The following OTOF variants were observed in gnomAD, a reference collection of about 807,000 sequenced individuals.
The protein encoded by OTOF is otoferlin, also known as fer-1-like family member 2.
A neutral mutation model predicts 236.8 loss-of-function variants in OTOF; 218 were observed. That is an observed-to-expected ratio of 0.92 (90% confidence interval 0.82 to 1.03). The LOEUF is 1.03. OTOF is among the 50% of genes least tolerant of loss of function. OTOF has a pLI of 0.00. For missense variants in OTOF, 2,590 were observed against 2,694.4 expected (o/e 0.96, Z 0.86); for synonymous variants, 1,041 against 1,072.5 (o/e 0.97, Z 0.57).
At chr2:26,510,189 C>T (rs571742359) in intron 5 of OTOF, among the ~76,000 whole-genome samples, 12 of 152,278 alleles carry the variant, frequency 7.9e-5, no homozygotes, top group Admixed American at 5.2e-4. Context: ...GAGAGGGCCG[C>T]CCAAATGGTG....
intron 13 of OTOF, 36 bp from the exon 14 acceptor site, chr2:26,482,628 T>TGTGTGTGTGAGTGGCTGC (rs1558490743): frequency 1.3e-6 from 2 of 1,581,622 alleles, no homozygotes; most frequent in African/African-American, 2.8e-5. Context: ...GGGCGTGGCA[T>TGTGTGTGTGAGTGGCTGC]GTGTGTGTGA....
chr2:26,482,118 A>T lies in OTOF; in HGVS notation c.1579+288T>A, dbSNP rs1031199897. 3.3e-5 allele frequency among the ~76,000 whole-genome samples: 5 copies of T among 152,166 alleles called. No individual in the cohort carries two copies. In the South Asian group the frequency reaches 1.0e-3, roughly 32 times the overall value. On this transcript the variant is annotated intron_variant, in intron 14 of 46. Transcript: ENST00000272371. ...ATAATGTGCATATCATACTATAATT[A>T]TCATATCATATAATCATTATTATTT...
intron 11 of OTOF, among the ~76,000 whole-genome samples, chr2:26,486,027 C>T (rs542818265): frequency 2.0e-5 from 3 of 152,098 alleles, no homozygotes; most frequent in Non-Finnish European, 4.4e-5. Context: ...TGAATGGGTG[C>T]ATAAATGGGC....
At chr2:26,509,365 TCCCTTACTGGGAA>T (rs1219306735) in intron 5 of OTOF, among the ~76,000 whole-genome samples, 2 of 152,230 alleles carry the variant, frequency 1.3e-5, no homozygotes, top group Non-Finnish European at 2.9e-5. Context: ...CTACGTGTCT[TCCCTTACTGGGAA>T]CCTGGCAAAC....
chr2:26,473,910 GA>G lies in OTOF; in HGVS notation c.3408+80del. ...TGCTGGCTCCTGGTGATGGTGGTGGGAGGGGGATGACAAGCCACTTCCCCTC... is the reference window on the plus strand; with the variant it reads ...TGCTGGCTCCTGGTGATGGTGGTGGGGGGGGATGACAAGCCACTTCCCCTC... On this transcript the variant is annotated intron_variant, in intron 27 of 46. Coordinates refer to ENST00000272371, the MANE Select transcript of OTOF (RefSeq NM_194248.3). This position sits in a 1 kb window ranked among gnomAD's most constrained non-coding sequence, Gnocchi z 7.2. The G allele has an allele frequency of 1.3e-6, 2 of 1,567,204 alleles. No individual in the cohort carries two copies. The highest frequency in any genetic ancestry group is 1.8e-6 in the Non-Finnish European group (2 of 1,139,174).
rs1038517902 is a variant in OTOF at position 26,457,775 on chromosome 2, G to A, written c.*463C>T. On this transcript the variant is annotated 3_prime_UTR_variant, in exon 47 of 47. Coordinates refer to ENST00000272371, the MANE Select transcript of OTOF (RefSeq NM_194248.3). The surrounding 1 kb of genome is among the most constrained non-coding windows in gnomAD (Gnocchi z 4.4). ...TGAAGAAGGGTGGCGCCTCAGCCAG[G>A]TGGGGCAAGAGAGACCCATTCCAGG... The A allele has an allele frequency of 1.1e-5, 5 of 465,824 alleles. No homozygotes were observed. The highest frequency in any genetic ancestry group is 7.8e-5 in the African/African-American group (4 of 51,224). 28.9% of individuals were successfully genotyped at this position (465,824 alleles called of 1,614,324 possible).
intron 1 of OTOF, among the ~76,000 whole-genome samples, chr2:26,557,819 G>A (rs79499133): frequency 6.8e-6 from 1 of 147,880 alleles, no homozygotes; most frequent in African/African-American, 2.6e-5. Flanking sequence ...CTTGTTCCAC[G>A]CCTGCCCAAC....
chr2:26,506,252 A>G lies in OTOF; in HGVS notation c.510-2407T>C, dbSNP rs1294918626. ...CTATGTCTCTCCTGAATTACCCAGG[A>G]GTCTCCTGCAGGGCTCAGCGTTTGA... On this transcript the variant is annotated intron_variant, in intron 5 of 46. Coordinates refer to ENST00000272371, the MANE Select transcript of OTOF (RefSeq NM_194248.3). Among the ~76,000 whole-genome samples, 3 of 152,290 alleles carry G rather than the reference A, an allele frequency of 2.0e-5. No homozygotes were observed. In the East Asian group the frequency reaches 5.8e-4, roughly 29 times the overall value.
intron 11 of OTOF, among the ~76,000 whole-genome samples, chr2:26,486,614 G>A (rs1198197873): frequency 6.6e-6 from 1 of 152,210 alleles, no homozygotes; most frequent in African/African-American, 2.4e-5. Context: ...TGTGAAAGTG[G>A]GTGAAGGTTA....
At chr2:26,511,771 G>T (rs1039751689) in intron 5 of OTOF, among the ~76,000 whole-genome samples, 3 of 152,256 alleles carry the variant, frequency 2.0e-5, no homozygotes, top group African/African-American at 7.2e-5. Flanking sequence ...GCGCCCGGCT[G>T]CCCCGGCTCA....
At chr2:26,513,608 A>G (rs1449639861) in intron 5 of OTOF, among the ~76,000 whole-genome samples, 1 of 152,214 alleles carries the variant, frequency 6.6e-6, no homozygotes, top group Non-Finnish European at 1.5e-5. Flanking sequence ...GCTGCTTGCC[A>G]GCAACGGGAT....
chr2:26,489,665 G>T lies in OTOF; in HGVS notation c.960+13C>A, dbSNP rs1470906713. 10 of 1,608,840 alleles carry T rather than the reference G, an allele frequency of 6.2e-6. No individual in the cohort carries two copies. Among genetic ancestry groups the T allele is most frequent in the Non-Finnish European group, 8.5e-6 (10 of 1,176,280 alleles). ...GGAGTGGCCCTGCCGGCCAGGGGCT[G>T]CTCCCCACTCACCGAAATCTTGATG... On this transcript the variant is annotated intron_variant, in intron 10 of 46. Transcript: ENST00000272371.
At position 26,490,031 on chromosome 2, in the gene OTOF, A is replaced by C. The variant is rs539434020; in HGVS notation, c.898-291T>G. On this transcript the variant is annotated intron_variant, in intron 9 of 46. Transcript: ENST00000272371. ...CCCATGCCCTTGTACTGTGCTCAGAAGAGGCACAGGGCCAGGGAGCAAGCA... is the reference window on the plus strand; with the variant it reads ...CCCATGCCCTTGTACTGTGCTCAGACGAGGCACAGGGCCAGGGAGCAAGCA... Among the ~76,000 whole-genome samples the C allele has an allele frequency of 1.4e-4, 22 of 152,348 alleles. 1 individual carries two copies. The South Asian group carries it at 4.6e-3, about 32-fold the overall frequency.
In OTOF at chr2:26,461,641, C is replaced by T; in HGVS notation, c.5533+55G>A. ...CTCTCCCTGTCCCCGCCAACCCGGC[C>T]CCTGCCTCTTCTCAGTTCTGGATCC... On this transcript the variant is annotated intron_variant, in intron 43 of 46. Coordinates refer to ENST00000272371, the MANE Select transcript of OTOF (RefSeq NM_194248.3). This position sits in a 1 kb window ranked among gnomAD's most constrained non-coding sequence, Gnocchi z 6.2. 6.2e-7 allele frequency: 1 copy of T among 1,609,150 alleles called. No homozygotes were observed. Among genetic ancestry groups the T allele is most frequent in the Admixed American group, 1.7e-5 (1 of 60,020 alleles).
chr2:26,541,082 C>G (rs1667202615), intron 1 of OTOF, among the ~76,000 whole-genome samples: 1 of 152,134 alleles, frequency 6.6e-6, no homozygotes, highest in South Asian at 2.1e-4. Flanking sequence ...CCTTTGCATC[C>G]TAGAAGATTT....
At chr2:26,546,851 T>TA in intron 1 of OTOF, among the ~76,000 whole-genome samples, 1 of 151,960 alleles carries the variant, frequency 6.6e-6, no homozygotes, top group Non-Finnish European at 1.5e-5. Context: ...GTATTAATCA[T>TA]ATATCCTGAA....
chr2:26,461,735 T>C lies in OTOF; in HGVS notation c.5494A>G (p.Ile1832Val). 1 of 1,614,144 alleles carries C rather than the reference T, an allele frequency of 6.2e-7. No homozygotes were observed. The highest frequency in any genetic ancestry group is 8.5e-7 in the Non-Finnish European group (1 of 1,180,020). The stretch of plus-strand genomic sequence containing the variant: ...GCGGAGAAGTGGTCCGCATCCCAGA[T>C]CTGCAGGGTGAGCCGCGCGGGGATC... Reference protein sequence around the residue: ...YKIPARLTLQIWDADHFSADD... With the variant: ...YKIPARLTLQVWDADHFSADD... The change falls in exon 43 of 47, where the codon ATC (isoleucine) becomes GTC (valine). Residue 1832 changes from isoleucine (I) to valine (V), a missense_variant. By Grantham distance (29) the Ile-to-Val change is conservative (BLOSUM62 3). This residue lies in a region of OTOF where 1,211 missense variants were observed against 1,352.8 expected (regional missense o/e 0.90). Transcript: ENST00000272371. This position sits in a 1 kb window ranked among gnomAD's most constrained non-coding sequence, Gnocchi z 6.2.
rs41286011 is a variant in OTOF, at chr2:26,467,154, G to A, written c.4307C>T (p.Thr1436Ile). ...LHTFNLLRGK[T>I]GDDEDGSTEE... ...GGTGGAGCCATCCTCATCATCCCCG[G>A]TCTTGCCCCGAAGCAAGTTGAAAGT... Residue 1436 changes from threonine to isoleucine, a missense_variant, in exon 35 of 47, where the codon ACC (threonine) becomes ATC (isoleucine). This residue lies in a region of OTOF where 1,211 missense variants were observed against 1,352.8 expected (regional missense o/e 0.90). Transcript: ENST00000272371. The A allele has an allele frequency of 3.8e-5, 61 of 1,614,090 alleles. No individual in the cohort carries two copies. Among genetic ancestry groups the A allele is most frequent in the Non-Finnish European group, 5.1e-5 (60 of 1,180,020 alleles).
intron 5 of OTOF, among the ~76,000 whole-genome samples, chr2:26,508,278 A>G (rs939432895): frequency 3.3e-5 from 5 of 152,238 alleles, no homozygotes; most frequent in African/African-American, 1.2e-4. Flanking sequence ...GGAGCATGTT[A>G]TCCAAGCGCC....
Sources: allele counts gnomAD v4.1 joint callset (sites outside exome capture counted in the v4.1 genomes callset), GRCh38; gene constraint gnomAD v4.1.1; regional missense constraint gnomAD v4.1.1; non-coding constraint Gnocchi (gnomAD v3.1); transcripts MANE v1.5; gene names NCBI Gene and HGNC (gene_info 2026-07-23, HGNC 2026-07-21).